Variants in TRPM3 observed in about 807,000 individuals in gnomAD.
TRPM3 encodes the protein long transient receptor potential channel 3.
In TRPM3, 77 loss-of-function variants were observed where a neutral mutation model predicts 181.2. The ratio of observed to expected loss-of-function variants is 0.42; its 90% CI spans 0.35 to 0.51. The LOEUF (loss-of-function observed/expected upper bound fraction) is 0.51. Ranked by LOEUF, TRPM3 falls within the 20% of genes least tolerant of loss-of-function variation. TRPM3 has a pLI of 0.01. For missense variants in TRPM3, 1,759 were observed against 2,196.7 expected (o/e 0.80, Z 3.98); for synonymous variants, 745 against 796.4 (o/e 0.94, Z 1.09).
chr9:71,126,273 T>C (rs987146678), upstream of TRPM3, among the ~76,000 whole-genome samples: 1 of 152,220 alleles, frequency 6.6e-6, no homozygotes, highest in Non-Finnish European at 1.5e-5. Context: ...GCTTTTACAC[T>C]GTTGGTGGGA....
chr9:70,994,676 C>A (rs1008721609), intron 1 of TRPM3, among the ~76,000 whole-genome samples: 21 of 152,078 alleles, frequency 1.4e-4, no homozygotes, highest in African/African-American at 4.3e-4. Flanking sequence ...TCCAGGGGAA[C>A]CTCACCAGCT....
intron 1 of TRPM3, among the ~76,000 whole-genome samples, chr9:71,075,350 T>C (rs986145783): frequency 6.6e-6 from 1 of 152,202 alleles, no homozygotes; most frequent in African/African-American, 2.4e-5. Context: ...ACTCTGAAAT[T>C]TGTTTGCATT....
At position 71,239,952 on chromosome 9, in the gene TRPM3, A is replaced by G. The variant is rs987341601; in HGVS notation, c.183+206701T>C. 2.0e-4 allele frequency among the ~76,000 whole-genome samples: 31 copies of G among 152,140 alleles called. 1 individual carries two copies. Among genetic ancestry groups the G allele is most frequent in the Admixed American group, 5.2e-4 (8 of 15,272 alleles). ...CCTATTTAGGTCTTTGTTGAAAAAA[A>G]GGAATTTCATTAGAAAATGGAATTA... is the stretch of plus-strand genomic sequence containing the variant. On this transcript the variant is annotated intron_variant, in intron 1 of 24. Coordinates refer to the TRPM3 transcript ENST00000357533.
chr9:70,808,148 A>G (rs1407603238), intron 6 of TRPM3, among the ~76,000 whole-genome samples: 1 of 152,232 alleles, frequency 6.6e-6, no homozygotes, highest in Non-Finnish European at 1.5e-5. Flanking sequence ...GGGTTCCATC[A>G]AGATAACAGG....
intron 1 of TRPM3, among the ~76,000 whole-genome samples, chr9:71,287,217 C>T (rs559556852): frequency 8.4e-4 from 126 of 149,626 alleles, no homozygotes; most frequent in Non-Finnish European, 1.3e-3. Context: ...GGAGATTTAC[C>T]ATCTAATTTG....
chr9:70,780,514 A>G (rs767421166), intron 7 of TRPM3, among the ~76,000 whole-genome samples: 43 of 151,028 alleles, frequency 2.8e-4, no homozygotes, highest in Middle Eastern at 3.4e-3. Flanking sequence ...TTCCTGGTGA[A>G]TAAGGTCTAG....
At chr9:70,900,575 A>T (rs746275816) in intron 1 of TRPM3, among the ~76,000 whole-genome samples, 2 of 152,240 alleles carry the variant, frequency 1.3e-5, no homozygotes, top group Non-Finnish European at 2.9e-5. Flanking sequence ...AAAACTAGAC[A>T]GTATTCACAA....
At chr9:70,652,240 ATAT>A (rs1208970269) in intron 9 of TRPM3, among the ~76,000 whole-genome samples, 2 of 151,954 alleles carry the variant, frequency 1.3e-5, no homozygotes, top group African/African-American at 4.8e-5. Flanking sequence ...TACTTTGTTT[ATAT>A]TATTATTATT....
chr9:70,808,943 CA>C (rs1323288165), intron 6 of TRPM3, among the ~76,000 whole-genome samples: 1 of 152,164 alleles, frequency 6.6e-6, no homozygotes, highest in Non-Finnish European at 1.5e-5. Flanking sequence ...TGACAGACCA[CA>C]AATACAATGG....
intron 1 of TRPM3, among the ~76,000 whole-genome samples, chr9:71,205,476 T>A (rs1016262216): frequency 6.6e-6 from 1 of 152,204 alleles, no homozygotes; most frequent in East Asian, 1.9e-4. Flanking sequence ...TAAGAAGGAA[T>A]GGACCTTGGA....
chr9:71,050,556 T>G (rs893134587), intron 1 of TRPM3, among the ~76,000 whole-genome samples: 33 of 152,344 alleles, frequency 2.2e-4, no homozygotes, highest in African/African-American at 7.2e-4. Context: ...ATATCTTATT[T>G]GATGTTATGT....
At chr9:71,246,100 C>T (rs1188965614) in intron 1 of TRPM3, among the ~76,000 whole-genome samples, 1 of 152,164 alleles carries the variant, frequency 6.6e-6, no homozygotes, top group African/African-American at 2.4e-5. Context: ...GGGAAGTGGA[C>T]TGCTGCACAG....
At chr9:71,320,256 A>G (rs997735973) in intron 1 of TRPM3, among the ~76,000 whole-genome samples, 1 of 152,162 alleles carries the variant, frequency 6.6e-6, no homozygotes, top group Non-Finnish European at 1.5e-5. Flanking sequence ...ATACAGAGTG[A>G]AGCCAATTCT....
At chr9:71,099,991 AT>A (rs1477707341) in intron 1 of TRPM3, among the ~76,000 whole-genome samples, 2 of 152,078 alleles carry the variant, frequency 1.3e-5, no homozygotes, top group Non-Finnish European at 2.9e-5. Context: ...GTAGTCTCTT[AT>A]TTTTACAATG....
At chr9:71,134,024 C>CGT (rs1554832881) in intron 1 of TRPM3, among the ~76,000 whole-genome samples, 5 of 146,980 alleles carry the variant, frequency 3.4e-5, no homozygotes, top group African/African-American at 5.1e-5. Flanking sequence ...TGCGCGTGCG[C>CGT]GCGCGCGCGT....
chr9:71,445,388 A>G (rs1450574513), intron 1 of TRPM3, among the ~76,000 whole-genome samples: 1 of 152,226 alleles, frequency 6.6e-6, no homozygotes, highest in African/African-American at 2.4e-5. Flanking sequence ...ATTTTCGAGT[A>G]CACATTTCTA....
Position 70,823,142 on chromosome 9 carries a change from G to A in TRPM3, c.973+4705C>T, listed in dbSNP as rs190115776. On this transcript the variant is annotated intron_variant, in intron 6 of 25. Coordinates refer to ENST00000677713, the MANE Select transcript of TRPM3 (RefSeq NM_001366145.2). Reference sequence around the variant, plus strand: ...CCTGCAGTGCTCCCCCCGACCCCACGCACACACACATACACACACACGCAA... The same window carrying A: ...CCTGCAGTGCTCCCCCCGACCCCACACACACACACATACACACACACGCAA... Among the ~76,000 whole-genome samples the A allele has an allele frequency of 6.6e-5, 10 of 151,588 alleles. No homozygotes were observed. In the East Asian group the frequency reaches 1.6e-3, roughly 24 times the overall value.
chr9:70,662,989 T>C (rs926710042), intron 9 of TRPM3, among the ~76,000 whole-genome samples: 9 of 152,068 alleles, frequency 5.9e-5, no homozygotes, highest in Non-Finnish European at 1.0e-4. Flanking sequence ...GGAAGCAACA[T>C]AAGCGCCCAT....
At position 70,902,684 on chromosome 9, in the gene TRPM3, T is replaced by C. The variant is rs528324226; in HGVS notation, c.178-38173A>G. 3.3e-5 allele frequency among the ~76,000 whole-genome samples: 5 copies of C among 152,292 alleles called. No homozygotes were observed. In the South Asian group the frequency reaches 1.0e-3, roughly 32 times the overall value. ...CATTGATTTAGTTCTTAAGGACATATCCAGTCCCAGGCACTGCATTAGGTA... is the reference window on the plus strand; with the variant it reads ...CATTGATTTAGTTCTTAAGGACATACCCAGTCCCAGGCACTGCATTAGGTA... On this transcript the variant is annotated intron_variant, in intron 1 of 25. Transcript: ENST00000677713.
Sources: allele counts gnomAD v4.1 joint callset (sites outside exome capture counted in the v4.1 genomes callset), GRCh38; gene constraint gnomAD v4.1.1; transcripts MANE v1.5; gene names NCBI Gene and HGNC (gene_info 2026-07-23, HGNC 2026-07-21).